The following MAPK8IP2 variants were observed in gnomAD, a reference collection of about 807,000 sequenced individuals.
MAPK8IP2 encodes C-Jun-amino-terminal kinase-interacting protein 2.
MAPK8IP2 carries 15 observed loss-of-function variants against 75.6 expected under a neutral mutation model. The ratio of observed to expected loss-of-function variants is 0.20; its 90% CI spans 0.13 to 0.31. The LOEUF is 0.31. Among genes scored for constraint, MAPK8IP2 ranks in the 10% least tolerant of loss-of-function variants. MAPK8IP2 has a pLI of 1.00. For synonymous variants in MAPK8IP2, 632 were observed against 554.5 expected (o/e 1.14, Z -1.96); for missense variants, 1,089 against 1,211.2 (o/e 0.90, Z 1.50).
Position 50,610,938 on chromosome 22 carries a change from C to T in MAPK8IP2, c.*159C>T. ...GGCTGGGAACTCTCGTCCTCGGTCC[C>T]CAGGGCGCAGCTGTTGGGGCTGCGG... On this transcript the variant is annotated 3_prime_UTR_variant, in exon 12 of 12. Coordinates refer to ENST00000329492, the MANE Select transcript of MAPK8IP2 (RefSeq NM_012324.6). This position sits in a 1 kb window ranked among gnomAD's most constrained non-coding sequence, Gnocchi z 4.3. 2 of 615,372 alleles carry T rather than the reference C, an allele frequency of 3.3e-6. No individual in the cohort carries two copies. Among genetic ancestry groups the T allele is most frequent in the Non-Finnish European group, 5.6e-6 (2 of 356,800 alleles). 38.1% of individuals were successfully genotyped at this position (615,372 alleles called of 1,614,324 possible).
chr22:50,605,695 T>C lies in MAPK8IP2; in HGVS notation c.1975T>C (p.Tyr659His), dbSNP rs541656232. The change falls in exon 7 of 12, where the codon TAC becomes CAC. Residue 659 changes from tyrosine to histidine, a missense_variant. By Grantham distance (83) the Tyr-to-His change is moderately conservative (BLOSUM62 2). Transcript: ENST00000329492. ...GGAGCGCGGTGTGTTTCCTGCCTTCTACGCCCATGCGGTGCCCGGCCCTGC... is the reference window on the plus strand; with the variant it reads ...GGAGCGCGGTGTGTTTCCTGCCTTCCACGCCCATGCGGTGCCCGGCCCTGC... ...TGERGVFPAFYAHAVPGPAKD... is the reference protein window; with the variant it reads ...TGERGVFPAFHAHAVPGPAKD... 1 of 1,611,972 alleles carries C rather than the reference T, an allele frequency of 6.2e-7. No homozygotes were observed. The highest frequency in any genetic ancestry group is 1.3e-5 in the African/African-American group (1 of 75,046).
chr22:50,603,411 C>A lies in MAPK8IP2; in HGVS notation c.360C>A (p.Ala120=). The change falls in exon 3 of 12, where the codon GCC becomes GCA. Residue 120 remains alanine, a synonymous_variant. Coordinates refer to ENST00000329492, the MANE Select transcript of MAPK8IP2 (RefSeq NM_012324.6). The part of the protein sequence containing the change: ...EGGDPGSEAP[A]PGPLIPSPSV... ...GAGACCCTGGCTCAGAGGCACCTGC[C>A]CCCGGGCCCCTTATCCCCTCCCCTT... The A allele has an allele frequency of 6.4e-7, 1 of 1,560,714 alleles. No individual in the cohort carries two copies.
chr22:50,605,009 C>G lies in MAPK8IP2; in HGVS notation c.1710C>G (p.Leu570=). The change falls in exon 5 of 12, where the codon CTC becomes CTG. Residue 570 remains leucine, a synonymous_variant. Coordinates refer to ENST00000329492, the MANE Select transcript of MAPK8IP2 (RefSeq NM_012324.6). ...SGDTSPDSPD[L]TFSKKFLNVF... is the part of the protein sequence containing the mutation. ...ACACCTCGCCGGACAGCCCTGACCT[C>G]ACTTTCTCCAAGAAGTTCCTCAATG... 1 of 1,612,568 alleles carries G rather than the reference C, an allele frequency of 6.2e-7. No individual in the cohort carries two copies. The highest frequency in any genetic ancestry group is 8.5e-7 in the Non-Finnish European group (1 of 1,179,850).
Position 50,605,954 on chromosome 22 carries a change from A to G in MAPK8IP2, c.2124+20A>G. 1 of 1,541,548 alleles carries G rather than the reference A, an allele frequency of 6.5e-7. No individual in the cohort carries two copies. The highest frequency in any genetic ancestry group is 1.9e-4 in the Middle Eastern group (1 of 5,154). On this transcript the variant is annotated intron_variant, in intron 8 of 11. Transcript: ENST00000329492. The stretch of plus-strand genomic sequence containing the variant: ...CAGAAGGTCAGTGTGGAGGCCGGGC[A>G]AGTGCAGGCTGAGGGTCCGCTTGGC...
Position 50,600,849 on chromosome 22 carries a change from T to C in MAPK8IP2, c.31T>C (p.Ser11Pro). The change falls in exon 1 of 12, where the codon TCC becomes CCC. Residue 11 changes from serine (S) to proline (P), a missense_variant. Physicochemically the swap from Ser to Pro is moderately conservative, Grantham distance 74. Transcript: ENST00000329492. MADRAEMFSL[S>P]TFHSLSPPGC... ...GGATCGCGCGGAGATGTTTTCTCTC[T>C]CCACCTTCCACTCGCTGTCGCCGCC... 7.6e-7 allele frequency: 1 copy of C among 1,307,826 alleles called. No homozygotes were observed. Among genetic ancestry groups the C allele is most frequent in the Non-Finnish European group, 1.0e-6 (1 of 1,002,684 alleles). The allele number at this position is 1,307,826 out of a possible 1,614,324, so 81.0% of individuals were successfully genotyped here.
At chr22:50,609,005 T>C (rs918333637) in intron 10 of MAPK8IP2, among the ~76,000 whole-genome samples, 3 of 152,064 alleles carry the variant, frequency 2.0e-5, no homozygotes, top group Non-Finnish European at 4.4e-5. Context: ...AGTTTGGGGT[T>C]TGGAGTCAAG....
chr22:50,604,990 C>T lies in MAPK8IP2; in HGVS notation c.1691C>T (p.Ser564Leu), dbSNP rs1169959570. The stretch of plus-strand genomic sequence containing the variant: ...GGCGGTCAGGTCTCGGGGGACACCT[C>T]GCCGGACAGCCCTGACCTCACTTTC... Reference protein sequence around the residue: ...LGGGQVSGDTSPDSPDLTFSK... With the variant: ...LGGGQVSGDTLPDSPDLTFSK... The change falls in exon 5 of 12, where the codon TCG becomes TTG. Residue 564 changes from serine (S) to leucine (L), a missense_variant. Physicochemically the swap from Ser to Leu is moderately radical, Grantham distance 145 (BLOSUM62 -2). Transcript: ENST00000329492. 6 of 1,612,394 alleles carry T rather than the reference C, an allele frequency of 3.7e-6. No individual in the cohort carries two copies. The highest frequency in any genetic ancestry group is 5.1e-6 in the Non-Finnish European group (6 of 1,179,806).
At position 50,604,294 on chromosome 22, in the gene MAPK8IP2, A is replaced by AGTCGGG. The variant is rs2071000539; in HGVS notation, c.1001_1006dup (p.Gly334_Ser335dup). 1.9e-6 allele frequency: 3 copies of AGTCGGG among 1,560,038 alleles called. No individual in the cohort carries two copies. The highest frequency in any genetic ancestry group is 1.7e-6 in the Non-Finnish European group (2 of 1,160,756). ...CCCGACGACACCAACAGCGAGTACG[A>AGTCGGG]GTCGGGGTCGGAGTCGGAGCCGGAC... On this transcript the variant is annotated inframe_insertion, in exon 5 of 12. Transcript: ENST00000329492.
In MAPK8IP2 at chr22:50,610,114, C is replaced by T. The variant is rs1425083793; in HGVS notation, c.2304-98C>T. On this transcript the variant is annotated intron_variant, in intron 10 of 11. Coordinates refer to ENST00000329492, the MANE Select transcript of MAPK8IP2 (RefSeq NM_012324.6). The surrounding 1 kb of genome is among the most constrained non-coding windows in gnomAD (Gnocchi z 4.3). ...ACACTCCTGTCCCTTACCCTCTCCC[C>T]AAGCCCTTTGTTCCTGCCTCTTCTC... is the stretch of plus-strand genomic sequence containing the variant. The T allele has an allele frequency of 1.2e-6, 1 of 865,864 alleles. No homozygotes were observed. Among genetic ancestry groups the T allele is most frequent in the Non-Finnish European group, 1.9e-6 (1 of 526,310 alleles). The allele number at this position is 865,864 out of a possible 1,614,324, so 53.6% of individuals were successfully genotyped here. A position where few individuals can be genotyped will look rare whatever the true frequency, so the allele number is the denominator to read the frequency against.
rs770159029 is a variant in MAPK8IP2, at chr22:50,604,834, C to T, written c.1535C>T (p.Thr512Met). ...CTGGTGTACGACGCGGTCAAGTACACGCTGGTGGTGGATGAGCACACGCAG... is the reference window on the plus strand; with the variant it reads ...CTGGTGTACGACGCGGTCAAGTACATGCTGGTGGTGGATGAGCACACGCAG... ...ASLVYDAVKY[T>M]LVVDEHTQLE... The change falls in exon 5 of 12, where the codon ACG becomes ATG. Residue 512 changes from threonine (T) to methionine (M), a missense_variant. By Grantham distance (81) the Thr-to-Met change is moderately conservative (BLOSUM62 -1). This residue lies in a region of MAPK8IP2 where 960 missense variants were observed against 1,009.6 expected (regional missense o/e 0.95). Transcript: ENST00000329492. The T allele has an allele frequency of 1.3e-6, 2 of 1,577,382 alleles. No individual in the cohort carries two copies. The highest frequency in any genetic ancestry group is 1.7e-6 in the Non-Finnish European group (2 of 1,163,766).
chr22:50,600,898 GC>G lies in MAPK8IP2; in HGVS notation c.65+18del. The G allele has an allele frequency of 8.2e-7, 1 of 1,225,108 alleles. No homozygotes were observed. The allele number at this position is 1,225,108 out of a possible 1,614,324, so 75.9% of individuals were successfully genotyped here. A position where few individuals can be genotyped will look rare whatever the true frequency, so the allele number is the denominator to read the frequency against. On this transcript the variant is annotated intron_variant, in intron 1 of 11. Transcript: ENST00000329492. The stretch of plus-strand genomic sequence containing the variant: ...CCGGGCTGCAGGTACCCCCCTCGGC[GC>G]CCGGGCCGGGCGGACCCTCCGCTCC...
In MAPK8IP2 at chr22:50,605,753, G is replaced by C. The variant is rs1302089273; in HGVS notation, c.2014+19G>C. ...CTGCTGGGTGAGGTCCCAACCCCGA[G>C]GGGAGGCTTTTCACCCCAGATCCTC... is the stretch of plus-strand genomic sequence containing the variant. On this transcript the variant is annotated intron_variant, in intron 7 of 11. Transcript: ENST00000329492. 1 of 1,604,648 alleles carries C rather than the reference G, an allele frequency of 6.2e-7. No homozygotes were observed. The highest frequency in any genetic ancestry group is 2.2e-5 in the East Asian group (1 of 44,710).
rs1333214815 is a variant in MAPK8IP2 at position 50,603,712 on chromosome 22, C to T, written c.534C>T (p.Ala178=). 10 of 1,569,448 alleles carry T rather than the reference C, an allele frequency of 6.4e-6. No homozygotes were observed. In the East Asian group the frequency reaches 2.4e-4, roughly 37 times the overall value. The stretch of plus-strand genomic sequence containing the variant: ...CGCTATGCTCACCCGCCCCGGAGGC[C>T]CTCAGAGGTGAGGGGTGGTGGGCCC... ...ETALCSPAPE[A]LRELPGPLPA... Residue 178 remains alanine (A), a synonymous_variant, in exon 4 of 12, where the codon GCC becomes GCT. Transcript: ENST00000329492.
In MAPK8IP2 at chr22:50,609,457, C is replaced by T. The variant is rs1307141301; in HGVS notation, c.2304-755C>T. ...GCTTATTACCATCATGACTTGAACG[C>T]GGCATTTGAGGCGGGCCCTGTGCTC... is the stretch of plus-strand genomic sequence containing the variant. On this transcript the variant is annotated intron_variant, in intron 10 of 11. Transcript: ENST00000329492. 2.6e-5 allele frequency among the ~76,000 whole-genome samples: 4 copies of T among 152,154 alleles called. No individual in the cohort carries two copies. The East Asian group carries it at 5.8e-4, about 22-fold the overall frequency.
intron 2 of MAPK8IP2, among the ~76,000 whole-genome samples, chr22:50,602,183 G>C (rs976032798): frequency 2.0e-5 from 3 of 152,184 alleles, no homozygotes; most frequent in Non-Finnish European, 4.4e-5. Flanking sequence ...TCTGTCCTCA[G>C]ATCACTCCCA....
chr22:50,604,481 C>T lies in MAPK8IP2; in HGVS notation c.1182C>T (p.Ser394=). 2 of 1,287,374 alleles carry T rather than the reference C, an allele frequency of 1.6e-6. No individual in the cohort carries two copies. The highest frequency in any genetic ancestry group is 2.0e-6 in the Non-Finnish European group (2 of 1,022,120). The allele number at this position is 1,287,374 out of a possible 1,614,324, so 79.7% of individuals were successfully genotyped here. A position where few individuals can be genotyped will look rare whatever the true frequency, so the allele number is the denominator to read the frequency against. ...CGGCCGGCGGGGCCGCCCAGGACTC[C>T]CAGGACCCCGAGGCGGCCGCGGGGC... ...VSPAGGAAQD[S]QDPEAAAGPG... is the part of the protein sequence containing the mutation. The change falls in exon 5 of 12, where the codon TCC becomes TCT. Residue 394 remains serine, a synonymous_variant. Coordinates refer to ENST00000329492, the MANE Select transcript of MAPK8IP2 (RefSeq NM_012324.6).
rs760868194 is a variant in MAPK8IP2, at chr22:50,604,214, G to A, written c.915G>A (p.Ser305=). The A allele has an allele frequency of 1.2e-5, 19 of 1,548,582 alleles. No homozygotes were observed. In the African/African-American group the frequency reaches 1.9e-4, roughly 16 times the overall value. Residue 305 remains serine, a synonymous_variant, in exon 5 of 12, where the codon TCG becomes TCA. Transcript: ENST00000329492. ...NSIEEASSPA[S]EPEPPREPPR... is the part of the protein sequence containing the mutation. ...TCGAGGAGGCCTCGTCGCCCGCCTC[G>A]GAGCCGGAGCCCCCGCGCGAACCCC... is the stretch of plus-strand genomic sequence containing the variant.
chr22:50,609,020 G>A (rs1301753936), intron 10 of MAPK8IP2, among the ~76,000 whole-genome samples: 4 of 152,200 alleles, frequency 2.6e-5, no homozygotes, highest in Non-Finnish European at 5.9e-5. Context: ...GTCAAGATGT[G>A]GCAGGGGTGT....
Position 50,605,426 on chromosome 22 carries a change from T to G in MAPK8IP2, c.1824T>G (p.Thr608=). 3 of 1,613,650 alleles carry G rather than the reference T, an allele frequency of 1.9e-6. No individual in the cohort carries two copies. Among genetic ancestry groups the G allele is most frequent in the Non-Finnish European group, 2.5e-6 (3 of 1,179,840 alleles). ...TCAACGGCGAGGAGCGAGAGCAGAC[T>G]CACCGGGCTGTGTTCAGGTACGGCC... ...CLVNGEEREQ[T]HRAVFRFIPR... The change falls in exon 6 of 12, where the codon ACT becomes ACG. Residue 608 remains threonine (T), a synonymous_variant. Coordinates refer to ENST00000329492, the MANE Select transcript of MAPK8IP2 (RefSeq NM_012324.6).
Sources: allele counts gnomAD v4.1 joint callset (sites outside exome capture counted in the v4.1 genomes callset), GRCh38; gene constraint gnomAD v4.1.1; regional missense constraint gnomAD v4.1.1; non-coding constraint Gnocchi (gnomAD v3.1); transcripts MANE v1.5; gene names NCBI Gene and HGNC (gene_info 2026-07-23, HGNC 2026-07-21).